Variants in EPB41L3 observed in about 807,000 individuals in gnomAD.
The protein encoded by EPB41L3 is erythrocyte membrane protein band 4.1 like 3, also known as band 4.1-like protein 3.
A neutral mutation model predicts 127.1 loss-of-function variants in EPB41L3; 57 were observed. The ratio of observed to expected loss-of-function variants is 0.45; its 90% CI spans 0.36 to 0.56. The LOEUF is 0.56. EPB41L3 is among the 20% of genes least tolerant of loss of function. EPB41L3 has a pLI of 0.00. For synonymous variants in EPB41L3, 572 were observed against 549.5 expected, an observed-to-expected ratio of 1.04 and a Z score of -0.57; for missense variants, 1,273 against 1,372.2, an observed-to-expected ratio of 0.93 and a Z score of 1.14.
At chr18:5,461,869 A>C (rs564588240) in intron 3 of EPB41L3, among the ~76,000 whole-genome samples, 8 of 152,258 alleles carry the variant, frequency 5.3e-5, no homozygotes, top group African/African-American at 1.7e-4. Context: ...AATAAATAAA[A>C]AGCTTAAGGT....
At chr18:5,609,938 T>C (rs2094706817) in intron 3 of EPB41L3, among the ~76,000 whole-genome samples, 1 of 152,150 alleles carries the variant, frequency 6.6e-6, no homozygotes, top group South Asian at 2.1e-4. Flanking sequence ...TTCGTTTCAT[T>C]TGAGTTTGGG....
At chr18:5,517,204 G>A (rs916405796) in intron 1 of EPB41L3, among the ~76,000 whole-genome samples, 4 of 152,166 alleles carry the variant, frequency 2.6e-5, no homozygotes, top group South Asian at 2.1e-4. Context: ...TGCAGCAACC[G>A]CAAACCTGAG....
Position 5,402,190 on chromosome 18 carries a change from C to A in EPB41L3, c.2350-4047G>T, listed in dbSNP as rs535216529. Among the ~76,000 whole-genome samples, 8 of 149,020 alleles carry A rather than the reference C, an allele frequency of 5.4e-5. No individual in the cohort carries two copies. In the East Asian group the frequency reaches 1.2e-3, roughly 22 times the overall value. The stretch of plus-strand genomic sequence containing the variant: ...AGGAAAAAAAAAAACCCAACAACAA[C>A]AAAAATCTCTATCCCACTGCATTTT... On this transcript the variant is annotated intron_variant, in intron 16 of 22. Coordinates refer to ENST00000341928, the MANE Select transcript of EPB41L3 (RefSeq NM_012307.5).
chr18:5,468,650 T>A (rs2085458065), intron 3 of EPB41L3, among the ~76,000 whole-genome samples: 1 of 152,174 alleles, frequency 6.6e-6, no homozygotes, highest in Non-Finnish European at 1.5e-5. Context: ...CCCATTGGGA[T>A]AACCTGCCTG....
chr18:5,413,013 C>T (rs955795551), intron 13 of EPB41L3, among the ~76,000 whole-genome samples: 2 of 151,942 alleles, frequency 1.3e-5, no homozygotes, highest in Admixed American at 6.6e-5. Flanking sequence ...AGTATAGTGC[C>T]TGATCAAGAG....
intron 3 of EPB41L3, among the ~76,000 whole-genome samples, chr18:5,566,520 A>G (rs941291001): frequency 1.3e-5 from 2 of 152,188 alleles, no homozygotes; most frequent in Non-Finnish European, 2.9e-5. Context: ...TAATACCGTG[A>G]AAATGGCCAT....
At chr18:5,427,787 T>C (rs1028626107) in intron 9 of EPB41L3, among the ~76,000 whole-genome samples, 5 of 152,116 alleles carry the variant, frequency 3.3e-5, no homozygotes, top group East Asian at 1.9e-4. Flanking sequence ...GCTCTGTTGC[T>C]CAGGCTGGAG....
intron 3 of EPB41L3, among the ~76,000 whole-genome samples, chr18:5,586,721 T>C (rs1297244308): frequency 1.3e-5 from 2 of 152,096 alleles, no homozygotes; most frequent in African/African-American, 4.8e-5. Context: ...ATTTTCTGTG[T>C]GTGGTATTAT....
chr18:5,534,423 A>C (rs539012379), intron 1 of EPB41L3, among the ~76,000 whole-genome samples: 2 of 152,330 alleles, frequency 1.3e-5, no homozygotes, highest in East Asian at 3.9e-4. Context: ...TCGGGACATA[A>C]GGAGGTCTGG....
intron 1 of EPB41L3, among the ~76,000 whole-genome samples, chr18:5,507,593 A>G (rs1481886286): frequency 6.6e-6 from 1 of 152,172 alleles, no homozygotes; most frequent in Non-Finnish European, 1.5e-5. Flanking sequence ...TAGATAAAAT[A>G]CCTAACCTTA....
At chr18:5,584,526 T>C (rs1225685801) in intron 3 of EPB41L3, among the ~76,000 whole-genome samples, 1 of 152,206 alleles carries the variant, frequency 6.6e-6, no homozygotes, top group Non-Finnish European at 1.5e-5. Flanking sequence ...GTAATGTGAA[T>C]TTAGTGGTAC....
chr18:5,477,767 C>T lies in EPB41L3; in HGVS notation c.381+474G>A, dbSNP rs534027158. 2.6e-5 allele frequency among the ~76,000 whole-genome samples: 4 copies of T among 152,238 alleles called. No homozygotes were observed. In the South Asian group the frequency reaches 6.2e-4, roughly 24 times the overall value. The stretch of plus-strand genomic sequence containing the variant: ...ACCGAAACTACAATGCCCACCACAA[C>T]GTGTCTTTTAAAAATTACTCATTCT... On this transcript the variant is annotated intron_variant, in intron 3 of 22. Coordinates refer to ENST00000341928, the MANE Select transcript of EPB41L3 (RefSeq NM_012307.5).
chr18:5,545,352 C>A (rs1402915039), upstream of EPB41L3, among the ~76,000 whole-genome samples: 1 of 152,120 alleles, frequency 6.6e-6, no homozygotes, highest in Non-Finnish European at 1.5e-5. Flanking sequence ...GAACACGTGC[C>A]TCTGGGAAAG....
At chr18:5,577,673 A>C in intron 3 of EPB41L3, 2 of 163,972 alleles carry the variant, frequency 1.2e-5, no homozygotes, top group Non-Finnish European at 2.6e-5. Context: ...AGTGCTGTAG[A>C]TCCCAGCAGC....
At chr18:5,612,842 G>A (rs1455265134) in intron 2 of EPB41L3, among the ~76,000 whole-genome samples, 1 of 152,200 alleles carries the variant, frequency 6.6e-6, no homozygotes, top group Admixed American at 6.5e-5. Flanking sequence ...CAGGGTTCAA[G>A]CAATTCTCAT....
At chr18:5,539,949 G>A (rs537216786) in intron 1 of EPB41L3, among the ~76,000 whole-genome samples, 7 of 151,968 alleles carry the variant, frequency 4.6e-5, no homozygotes, top group Non-Finnish European at 1.0e-4. Flanking sequence ...TTTTCCTATT[G>A]CCAACTGCAA....
Position 5,607,662 on chromosome 18 carries a change from G to A in EPB41L3, c.-306+4678C>T, listed in dbSNP as rs570765465. ...TACACAGTTTGACTTTTACTCCTAG[G>A]TTACCATCCATTCCATTAAAATATG... On this transcript the variant is annotated intron_variant, in intron 3 of 21. Transcript: ENST00000545076. Among the ~76,000 whole-genome samples the A allele has an allele frequency of 1.2e-3, 183 of 152,200 alleles. 2 individuals are homozygous for A. The highest frequency in any genetic ancestry group is 6.8e-3 in the Middle Eastern group (2 of 294).
intron 6 of EPB41L3, among the ~76,000 whole-genome samples, chr18:5,434,420 C>T (rs1165041227): frequency 1.3e-5 from 2 of 152,188 alleles, no homozygotes; most frequent in Non-Finnish European, 2.9e-5. Flanking sequence ...ATTCTTCTAA[C>T]ATCTTTTAAA....
chr18:5,505,310 C>T (rs1225553477), intron 1 of EPB41L3, among the ~76,000 whole-genome samples: 2 of 152,132 alleles, frequency 1.3e-5, no homozygotes, highest in Non-Finnish European at 2.9e-5. Context: ...CCAACAAAAA[C>T]ATCAAGAAGT....
Sources: gnomAD v4.1 joint callset for allele counts (sites outside exome capture counted in the v4.1 genomes callset) on GRCh38, gnomAD v4.1.1 for gene constraint, MANE v1.5 for transcripts, NCBI Gene and HGNC (gene_info 2026-07-23, HGNC 2026-07-21) for gene names.